The following CACNB2 variants were observed in gnomAD, a reference collection of about 807,000 sequenced individuals.
The protein encoded by CACNB2 is calcium voltage-gated channel auxiliary subunit beta 2, also known as voltage-dependent L-type calcium channel subunit beta-2.
CACNB2 carries 42 observed loss-of-function variants against 73.3 expected under a neutral mutation model. That is an observed-to-expected ratio of 0.57 (90% CI 0.45 to 0.74). The LOEUF (loss-of-function observed/expected upper bound fraction) is 0.74. CACNB2 is among the 30% of genes least tolerant of loss of function. CACNB2 has a pLI of 0.00. For missense variants in CACNB2, 940 were observed against 853.0 expected, an observed-to-expected ratio of 1.10 and a Z score of -1.27; for synonymous variants, 348 against 310.3, an observed-to-expected ratio of 1.12 and a Z score of -1.28.
At chr10:18,427,203 C>A (rs1050345406) in intron 3 of CACNB2, among the ~76,000 whole-genome samples, 1 of 151,910 alleles carries the variant, frequency 6.6e-6, no homozygotes, top group African/African-American at 2.4e-5. Flanking sequence ...GATCCACCTG[C>A]GTCCCTTTTC....
Position 18,200,801 on chromosome 10 carries a change from A to G in CACNB2, c.213+49826A>G, listed in dbSNP as rs1361571666. Among the ~76,000 whole-genome samples the G allele has an allele frequency of 2.4e-4, 36 of 152,334 alleles. 1 individual carries two copies. The highest frequency in any genetic ancestry group is 1.9e-3 in the Admixed American group (29 of 15,294). ...CACTTGCCCCCATTTCTTAAGTAAGAAAAATTTAAGAGATAGGGAAATGAG... is the reference window on the plus strand; with the variant it reads ...CACTTGCCCCCATTTCTTAAGTAAGGAAAATTTAAGAGATAGGGAAATGAG... On this transcript the variant is annotated intron_variant, in intron 2 of 13. Coordinates refer to ENST00000324631, the MANE Select transcript of CACNB2 (RefSeq NM_201596.3).
intron 2 of CACNB2, among the ~76,000 whole-genome samples, chr10:18,287,719 C>T (rs1226904266): frequency 4.6e-5 from 7 of 152,244 alleles, no homozygotes; most frequent in Non-Finnish European, 8.8e-5. Context: ...GGCACGATGG[C>T]ACGCCCTGTA....
intron 2 of CACNB2, among the ~76,000 whole-genome samples, chr10:18,251,835 C>G (rs1327640126): frequency 2.0e-5 from 3 of 152,106 alleles, no homozygotes; most frequent in African/African-American, 7.2e-5. Context: ...TGAGAACTCA[C>G]TATCACAAGA....
At chr10:18,145,529 A>G (rs2030876364) in intron 1 of CACNB2, among the ~76,000 whole-genome samples, 1 of 152,140 alleles carries the variant, frequency 6.6e-6, no homozygotes. Flanking sequence ...TTGTTCTTAC[A>G]ATATCATGCT....
At chr10:18,357,233 G>T (rs534078772) in intron 2 of CACNB2, among the ~76,000 whole-genome samples, 9 of 152,134 alleles carry the variant, frequency 5.9e-5, no homozygotes, top group African/African-American at 1.9e-4. Context: ...GTGAGCCACC[G>T]CGCCCGGCTG....
intron 2 of CACNB2, among the ~76,000 whole-genome samples, chr10:18,314,850 G>A (rs1471098993): frequency 2.0e-5 from 3 of 152,230 alleles, no homozygotes; most frequent in East Asian, 3.9e-4. Flanking sequence ...CTTAAAATCT[G>A]CACCAAAAGA....
chr10:18,261,362 C>G, intron 2 of CACNB2: 1 of 1,551,472 alleles, frequency 6.4e-7, no homozygotes, highest in Non-Finnish European at 8.7e-7. Flanking sequence ...GCTGAAAATA[C>G]TATTCGTGTC....
intron 2 of CACNB2, among the ~76,000 whole-genome samples, chr10:18,258,300 C>T (rs1384056469): frequency 6.6e-6 from 1 of 152,088 alleles, no homozygotes; most frequent in Non-Finnish European, 1.5e-5. Context: ...AATTCCAAAT[C>T]AAATTCAGAA....
intron 1 of CACNB2, among the ~76,000 whole-genome samples, chr10:18,150,041 A>T (rs935207348): frequency 6.6e-6 from 1 of 152,202 alleles, no homozygotes; most frequent in Non-Finnish European, 1.5e-5. Flanking sequence ...ATTTAACTCT[A>T]AACTCAACTG....
chr10:18,449,113 G>A (rs188018513), intron 3 of CACNB2, among the ~76,000 whole-genome samples: 12 of 152,296 alleles, frequency 7.9e-5, no homozygotes, highest in Admixed American at 5.9e-4. Context: ...GCCCAGGTGC[G>A]GTGGCTCACG....
chr10:18,508,759 G>A (rs1388119017), intron 6 of CACNB2, among the ~76,000 whole-genome samples: 3 of 152,100 alleles, frequency 2.0e-5, no homozygotes, highest in South Asian at 2.1e-4. Flanking sequence ...AAAGTCTGAC[G>A]TCAAACCATC....
chr10:18,174,004 T>A (rs1186405602), intron 2 of CACNB2, among the ~76,000 whole-genome samples: 1 of 152,184 alleles, frequency 6.6e-6, no homozygotes, highest in East Asian at 1.9e-4. Flanking sequence ...CAAAAACTTA[T>A]AGAGAGTGAA....
intron 2 of CACNB2, among the ~76,000 whole-genome samples, chr10:18,350,605 C>G (rs973040993): frequency 1.3e-5 from 2 of 152,234 alleles, no homozygotes; most frequent in East Asian, 1.9e-4. Context: ...GACCTTGAAC[C>G]CTGCAGGTCC....
At chr10:18,478,223 T>C (rs2132814447) in intron 3 of CACNB2, among the ~76,000 whole-genome samples, 1 of 152,180 alleles carries the variant, frequency 6.6e-6, no homozygotes, top group Non-Finnish European at 1.5e-5. Context: ...TGAGCCACCA[T>C]GCCTGGCCGG....
At chr10:18,243,007 CA>C (rs68136708) in intron 2 of CACNB2, among the ~76,000 whole-genome samples, 12 of 134,888 alleles carry the variant, frequency 8.9e-5, no homozygotes, top group Non-Finnish European at 1.6e-4. Flanking sequence ...AAGACTGTCT[CA>C]AAAAAAAAAA....
intron 2 of CACNB2, among the ~76,000 whole-genome samples, chr10:18,379,444 C>G (rs1157437424): frequency 1.3e-5 from 2 of 152,174 alleles, no homozygotes; most frequent in South Asian, 4.1e-4. Context: ...GAACTCCTGA[C>G]CGCAGGCGAT....
intron 5 of CACNB2, among the ~76,000 whole-genome samples, 168 bp downstream of exon 5, chr10:18,501,116 A>C (rs1370130357): frequency 5.3e-5 from 8 of 152,238 alleles, no homozygotes; most frequent in Non-Finnish European, 1.2e-4. Context: ...AAAAAACTTC[A>C]GTCCAGCACC....
intron 3 of CACNB2, among the ~76,000 whole-genome samples, chr10:18,433,721 AC>A (rs2045997753): frequency 6.6e-6 from 1 of 152,062 alleles, no homozygotes; most frequent in Non-Finnish European, 1.5e-5. Flanking sequence ...AAAGAGTGGA[AC>A]AAGGAGTCCA....
At chr10:18,252,033 G>A (rs1326828922) in intron 2 of CACNB2, among the ~76,000 whole-genome samples, 2 of 152,294 alleles carry the variant, frequency 1.3e-5, no homozygotes, top group South Asian at 4.1e-4. Context: ...TGCTCACTGG[G>A]TGCCTGTATC....
Sources: allele counts gnomAD v4.1 joint callset (sites outside exome capture counted in the v4.1 genomes callset), GRCh38; gene constraint gnomAD v4.1.1; transcripts MANE v1.5; gene names NCBI Gene and HGNC (gene_info 2026-07-23, HGNC 2026-07-21).